Variants in NFASC observed in about 807,000 individuals in gnomAD.
NFASC encodes the protein neurofascin, also known as neurofascin homolog.
Under a neutral mutation model 147.5 loss-of-function variants are expected in NFASC, and 43 were observed. The ratio of observed to expected loss-of-function variants is 0.29; its 90% CI spans 0.23 to 0.38. The LOEUF (loss-of-function observed/expected upper bound fraction) is 0.38. Ranked by LOEUF, NFASC falls within the 10% of genes least tolerant of loss-of-function variation. The pLI is 1.00. For synonymous variants in NFASC, 622 were observed against 665.5 expected, an observed-to-expected ratio of 0.93 and a Z score of 1.01; for missense variants, 1,320 against 1,689.0, an observed-to-expected ratio of 0.78 and a Z score of 3.83.
intron 1 of NFASC, among the ~76,000 whole-genome samples, chr1:204,857,455 C>T (rs1404968117): frequency 1.4e-5 from 2 of 147,486 alleles, no homozygotes; most frequent in African/African-American, 5.2e-5. Context: ...CAGTTTCCTG[C>T]ACGGCGTGCC....
chr1:204,988,116 C>T (rs1422296086), intron 22 of NFASC, among the ~76,000 whole-genome samples: 12 of 152,186 alleles, frequency 7.9e-5, no homozygotes, highest in South Asian at 2.1e-4. Flanking sequence ...TAACGTACCT[C>T]GTTAGGAAAC....
intron 25 of NFASC, 36 bp downstream of exon 25, chr1:204,997,442 G>A: frequency 6.4e-7 from 1 of 1,551,444 alleles, no homozygotes. Flanking sequence ...ATCCCCTCCT[G>A]GCCCGCCTCC....
At chr1:204,898,309 T>C (rs75835695) in intron 1 of NFASC, among the ~76,000 whole-genome samples, 2,657 of 152,338 alleles carry the variant, frequency 0.017, 31 homozygotes, top group Middle Eastern at 0.037. Flanking sequence ...CTGGCTTAAA[T>C]TTAAAAGATG....
intron 3 of NFASC, chr1:204,946,398 G>A: frequency 2.1e-6 from 1 of 475,252 alleles, no homozygotes; most frequent in African/African-American, 2.0e-5. Context: ...GCACCTCTCT[G>A]ATGGAGAGGG....
At chr1:204,985,489 T>C (rs2095598879) in intron 21 of NFASC, among the ~76,000 whole-genome samples, 1 of 152,216 alleles carries the variant, frequency 6.6e-6, no homozygotes, top group South Asian at 2.1e-4. Context: ...ACTAATCCAA[T>C]TCAAGGTGAT....
At chr1:204,882,697 G>A (rs1038679770) in intron 1 of NFASC, among the ~76,000 whole-genome samples, 1 of 152,118 alleles carries the variant, frequency 6.6e-6, no homozygotes, top group Non-Finnish European at 1.5e-5. Flanking sequence ...GAGGCCCTCG[G>A]TAAATATTTG....
intron 2 of NFASC, among the ~76,000 whole-genome samples, chr1:204,931,199 T>C (rs2092336304): frequency 6.6e-6 from 1 of 152,226 alleles, no homozygotes; most frequent in Non-Finnish European, 1.5e-5. Flanking sequence ...CATATGATCA[T>C]TAGTTCCAAC....
Position 205,009,518 on chromosome 1 carries a change from G to A in NFASC, c.3290-39G>A, listed in dbSNP as rs2096210653. 3.1e-6 allele frequency: 5 copies of A among 1,610,320 alleles called. No homozygotes were observed. The East Asian group carries it at 8.9e-5, about 29-fold the overall frequency. On this transcript the variant is annotated intron_variant, in intron 27 of 29. Transcript: ENST00000339876. ...TCTCCCTCCTCACCATCTCCCCCATGAAATCATTCACGGGTTTGCTTCCGG... is the reference window on the plus strand; with the variant it reads ...TCTCCCTCCTCACCATCTCCCCCATAAAATCATTCACGGGTTTGCTTCCGG...
intron 2 of NFASC, among the ~76,000 whole-genome samples, chr1:204,933,368 T>G (rs1183981223): frequency 6.6e-6 from 1 of 152,044 alleles, no homozygotes; most frequent in Non-Finnish European, 1.5e-5. Context: ...GTATGGGCTA[T>G]GAAAAGGGGT....
rs2094344627 is a variant in NFASC at position 204,954,741 on chromosome 1, CCTCCTTGCATGCCTGCCTCTGACCCTG to C, written c.413-79_413-53del. The C allele has an allele frequency of 8.1e-6, 12 of 1,487,344 alleles. No individual in the cohort carries two copies. In the South Asian group the frequency reaches 1.5e-4, roughly 18 times the overall value. 92.1% of individuals were successfully genotyped at this position (1,487,344 alleles called of 1,614,324 possible). ...TTCTCCAGGTGCCCCTTCTGTTTCT[CCTCCTTGCATGCCTGCCTCTGACCCTG>C]CTCCTTGCCCCGGGCCCAGCCATCA... On this transcript the variant is annotated intron_variant, in intron 6 of 29. Coordinates refer to ENST00000339876, the MANE Select transcript of NFASC (RefSeq NM_001005388.3). This position sits in a 1 kb window ranked among gnomAD's most constrained non-coding sequence, Gnocchi z 5.7.
chr1:204,861,679 C>T (rs1034674806), intron 1 of NFASC, among the ~76,000 whole-genome samples: 39 of 152,002 alleles, frequency 2.6e-4, no homozygotes, highest in African/African-American at 8.9e-4. Context: ...TTAGTAGAGA[C>T]GGGGTTTCAC....
At chr1:204,843,867 A>G (rs948485428) in intron 1 of NFASC, among the ~76,000 whole-genome samples, 5 of 151,890 alleles carry the variant, frequency 3.3e-5, no homozygotes, top group African/African-American at 1.2e-4. Flanking sequence ...ATGCACCACT[A>G]TGCCCAGCTA....
rs757772409 is a variant in NFASC, at chr1:205,016,290, C to T, written c.3492-18C>T. 4.1e-5 allele frequency: 64 copies of T among 1,574,252 alleles called. No homozygotes were observed. Among genetic ancestry groups the T allele is most frequent in the Non-Finnish European group, 5.4e-5 (62 of 1,144,136 alleles). ...CCCATCTCACCCCACCTGAGATTCTCTGTCTCTCTTTGGCCAGTGATGAGG... is the reference window on the plus strand; with the variant it reads ...CCCATCTCACCCCACCTGAGATTCTTTGTCTCTCTTTGGCCAGTGATGAGG... On this transcript the variant is annotated intron_variant, in intron 29 of 29. Transcript: ENST00000339876. The surrounding 1 kb of genome is among the most constrained non-coding windows in gnomAD (Gnocchi z 5.1).
intron 1 of NFASC, among the ~76,000 whole-genome samples, chr1:204,844,677 A>G (rs1676432195): frequency 6.6e-6 from 1 of 152,146 alleles, no homozygotes; most frequent in South Asian, 2.1e-4. Flanking sequence ...GCTCAATGTA[A>G]GAATTAAAGA....
chr1:205,016,853 TCGGC>T lies in NFASC; in HGVS notation c.*315_*318del. 53 of 447,804 alleles carry T rather than the reference TCGGC, an allele frequency of 1.2e-4. No homozygotes were observed. Among genetic ancestry groups the T allele is most frequent in the Middle Eastern group, 6.6e-4 (1 of 1,512 alleles). 27.7% of individuals were successfully genotyped at this position (447,804 alleles called of 1,614,324 possible). ...TCCACCACACTGTCCGCCCTTGGCC[TCGGC>T]ACACGCTCACCTTTTCTGTTGGTTA... On this transcript the variant is annotated 3_prime_UTR_variant, in exon 30 of 30. Coordinates refer to ENST00000339876, the MANE Select transcript of NFASC (RefSeq NM_001005388.3). The surrounding 1 kb of genome is among the most constrained non-coding windows in gnomAD (Gnocchi z 5.1).
At chr1:204,991,368 C>T (rs1219518902) in intron 24 of NFASC, 62 bp downstream of exon 24, 4 of 1,570,006 alleles carry the variant, frequency 2.5e-6, no homozygotes, top group Non-Finnish European at 2.6e-6. Flanking sequence ...GAGCCCAGCC[C>T]AGCCAGGGCG....
Position 204,979,354 on chromosome 1 carries a change from C to G in NFASC, c.1979-8C>G. 1 of 1,611,694 alleles carries G rather than the reference C, an allele frequency of 6.2e-7. No homozygotes were observed. The highest frequency in any genetic ancestry group is 1.1e-5 in the South Asian group (1 of 91,050). On this transcript the variant is annotated splice_polypyrimidine_tract_variant and splice_region_variant and intron_variant, in intron 18 of 29. Coordinates refer to ENST00000339876, the MANE Select transcript of NFASC (RefSeq NM_001005388.3). This position sits in a 1 kb window ranked among gnomAD's most constrained non-coding sequence, Gnocchi z 6.0. ...CCCGAAACAGCTCTGTTTTCCTTGC[C>G]CACTCAGACTACGTCGTCCAGTTTG...
In NFASC at chr1:205,022,130, T is replaced by A. The variant is rs1438395385; in HGVS notation, c.*5591T>A. ...ATAAACACAAAACTCTGGGAGAAGA[T>A]ATCCAGAATTTTGTACATTACTCTG... On this transcript the variant is annotated 3_prime_UTR_variant, in exon 30 of 30. Coordinates refer to ENST00000339876, the MANE Select transcript of NFASC (RefSeq NM_001005388.3). 1 of 152,626 alleles carries A rather than the reference T, an allele frequency of 6.6e-6. No individual in the cohort carries two copies. Among genetic ancestry groups the A allele is most frequent in the East Asian group, 1.9e-4 (1 of 5,198 alleles). The allele number at this position is 152,626 out of a possible 1,614,324, so 9.5% of individuals were successfully genotyped here.
At chr1:204,918,584 CTTTT>C (rs71147720) in intron 1 of NFASC, among the ~76,000 whole-genome samples, 1 of 124,830 alleles carries the variant, frequency 8.0e-6, no homozygotes. Context: ...TTCTTTGAAA[CTTTT>C]TTTTTTTTTT....
Sources: gnomAD v4.1 joint callset for allele counts (sites outside exome capture counted in the v4.1 genomes callset) on GRCh38, gnomAD v4.1.1 for gene constraint, Gnocchi (gnomAD v3.1) non-coding constraint, MANE v1.5 for transcripts, NCBI Gene and HGNC (gene_info 2026-07-23, HGNC 2026-07-21) for gene names.